The following OSBPL3 variants were observed in gnomAD, a reference collection of about 807,000 sequenced individuals.
OSBPL3 encodes oxysterol-binding protein-related protein 3.
OSBPL3 carries 65 observed loss-of-function variants against 120.1 expected under a neutral mutation model. The observed-to-expected ratio is 0.54, with a 90% confidence interval of 0.44 to 0.67. The LOEUF (loss-of-function observed/expected upper bound fraction) is 0.67, where lower values mean the gene tolerates loss of function less well. Ranked by LOEUF, OSBPL3 falls within the 30% of genes least tolerant of loss-of-function variation. The pLI, the probability that OSBPL3 is intolerant of heterozygous loss-of-function variation, is 0.00. For synonymous variants in OSBPL3, 416 were observed against 402.6 expected (o/e 1.03, Z -0.40); for missense variants, 1,004 against 1,082.1 (o/e 0.93, Z 1.01).
At position 24,913,094 on chromosome 7, in the gene OSBPL3, C is replaced by G. The variant is rs1006094076; in HGVS notation, c.-149-20473G>C. 1.3e-5 allele frequency among the ~76,000 whole-genome samples: 2 copies of G among 152,220 alleles called. No homozygotes were observed. The highest frequency in any genetic ancestry group is 4.8e-5 in the African/African-American group (2 of 41,468). On this transcript the variant is annotated intron_variant, in intron 1 of 22. Transcript: ENST00000313367. The surrounding 1 kb of genome is among the most constrained non-coding windows in gnomAD (Gnocchi z 5.3). ...CTGAGCAAGGATTCAAATGTCCCAG[C>G]CTCCAGCCTTCCTGCTGTCCCAGTT... is the stretch of plus-strand genomic sequence containing the variant.
At chr7:24,956,750 T>C (rs569274450) in intron 1 of OSBPL3, among the ~76,000 whole-genome samples, 2 of 152,368 alleles carry the variant, frequency 1.3e-5, no homozygotes, top group South Asian at 2.1e-4. Context: ...ATTTTATTTT[T>C]CAATGGAGAT....
rs1809120809 is a variant in OSBPL3, at chr7:24,913,417, A to T, written c.-149-20796T>A. Reference sequence around the variant, plus strand: ...CTCAGGCTAGCAGGCTCCTGCTACCAGAGCATCCCACTCCTGCTGGGTAGG... The same window carrying T: ...CTCAGGCTAGCAGGCTCCTGCTACCTGAGCATCCCACTCCTGCTGGGTAGG... On this transcript the variant is annotated intron_variant, in intron 1 of 22. Transcript: ENST00000313367. The surrounding 1 kb of genome is among the most constrained non-coding windows in gnomAD (Gnocchi z 5.3). Among the ~76,000 whole-genome samples the T allele has an allele frequency of 6.6e-6, 1 of 152,152 alleles. No individual in the cohort carries two copies.
Position 24,922,992 on chromosome 7 carries a change from A to G in OSBPL3, c.-149-30371T>C, listed in dbSNP as rs1810584064. On this transcript the variant is annotated intron_variant, in intron 1 of 22. Transcript: ENST00000313367. This position sits in a 1 kb window ranked among gnomAD's most constrained non-coding sequence, Gnocchi z 4.3. Reference sequence around the variant, plus strand: ...AAGAAAAAGAAAAAAACATATAAACATGACCATCAGAGATACTCTACACTA... The same window carrying G: ...AAGAAAAAGAAAAAAACATATAAACGTGACCATCAGAGATACTCTACACTA... Among the ~76,000 whole-genome samples, 3 of 152,188 alleles carry G rather than the reference A, an allele frequency of 2.0e-5. No homozygotes were observed. Among genetic ancestry groups the G allele is most frequent in the Admixed American group, 6.5e-5 (1 of 15,282 alleles).
intron 2 of OSBPL3, among the ~76,000 whole-genome samples, chr7:24,876,129 TCAA>T (rs1249028205): frequency 6.6e-6 from 1 of 152,206 alleles, no homozygotes; most frequent in African/African-American, 2.4e-5. Context: ...TGTGCTTAAG[TCAA>T]CAACCATTTA....
chr7:24,858,923 G>C (rs1187111312), intron 10 of OSBPL3, among the ~76,000 whole-genome samples: 1 of 152,142 alleles, frequency 6.6e-6, no homozygotes, highest in Non-Finnish European at 1.5e-5. Context: ...TTATTAAAAA[G>C]TAACAATGTT....
In OSBPL3 at chr7:24,952,583, T is replaced by C. The variant is rs555498369; in HGVS notation, c.-150+27303A>G. 8.5e-5 allele frequency among the ~76,000 whole-genome samples: 13 copies of C among 152,356 alleles called. No homozygotes were observed. Among genetic ancestry groups the C allele is most frequent in the Non-Finnish European group, 2.9e-5 (2 of 68,024 alleles). On this transcript the variant is annotated intron_variant, in intron 1 of 22. Coordinates refer to ENST00000313367, the MANE Select transcript of OSBPL3 (RefSeq NM_015550.4). The surrounding 1 kb of genome is among the most constrained non-coding windows in gnomAD (Gnocchi z 4.4). ...GCTCATATGAGCCACCTTTGGAGAC[T>C]AGGTACTCAAATTTATCATGTATCT...
chr7:24,859,539 CT>C (rs1393293262), intron 10 of OSBPL3, among the ~76,000 whole-genome samples: 1 of 152,122 alleles, frequency 6.6e-6, no homozygotes, highest in African/African-American at 2.4e-5. Flanking sequence ...CTTTCTACAA[CT>C]ATAAAAAATA....
At position 24,800,284 on chromosome 7, in the gene OSBPL3, G is replaced by A. The variant is rs767952431; in HGVS notation, c.2568-5C>T. On this transcript the variant is annotated splice_polypyrimidine_tract_variant and splice_region_variant and intron_variant, in intron 22 of 22. Coordinates refer to ENST00000313367, the MANE Select transcript of OSBPL3 (RefSeq NM_015550.4). ...CAAGAGTCATCGTCGGATTTCCTGT[G>A]AAAGAAGAAACAATTTCTTGCAGAC... 6.4e-7 allele frequency: 1 copy of A among 1,572,518 alleles called. No individual in the cohort carries two copies. Among genetic ancestry groups the A allele is most frequent in the East Asian group, 2.2e-5 (1 of 44,640 alleles).
chr7:24,938,972 GA>G lies in OSBPL3; in HGVS notation c.-150+40913del, dbSNP rs554276639. ...TAAGATGCAGAACACAAGAACAAATGAAACAGAGTGCAAGGGGTAGGAATCA... is the reference window on the plus strand; with the variant it reads ...TAAGATGCAGAACACAAGAACAAATGAACAGAGTGCAAGGGGTAGGAATCA... On this transcript the variant is annotated intron_variant, in intron 1 of 22. Transcript: ENST00000313367. The surrounding 1 kb of genome is among the most constrained non-coding windows in gnomAD (Gnocchi z 5.8). Among the ~76,000 whole-genome samples the G allele has an allele frequency of 2.5e-3, 375 of 152,172 alleles. 3 individuals carry two copies. Among genetic ancestry groups the G allele is most frequent in the African/African-American group, 8.8e-3 (365 of 41,526 alleles).
Position 24,937,616 on chromosome 7 carries a change from T to G in OSBPL3, c.-150+42270A>C, listed in dbSNP as rs771455995. On this transcript the variant is annotated intron_variant, in intron 1 of 22. Coordinates refer to ENST00000313367, the MANE Select transcript of OSBPL3 (RefSeq NM_015550.4). This position sits in a 1 kb window ranked among gnomAD's most constrained non-coding sequence, Gnocchi z 4.0. ...CAGTGAACAGAGCATACATGAGACG[T>G]CCCAATACATGTGCCACACTTTTAC... 7.9e-5 allele frequency among the ~76,000 whole-genome samples: 12 copies of G among 152,194 alleles called. No homozygotes were observed. The highest frequency in any genetic ancestry group is 1.5e-4 in the Non-Finnish European group (10 of 68,032).
rs781730011 is a variant in OSBPL3, at chr7:24,870,753, C to T, written c.360G>A (p.Glu120=). The T allele has an allele frequency of 5.0e-6, 8 of 1,608,908 alleles. No homozygotes were observed. In the Admixed American group the frequency reaches 5.0e-5, roughly 10 times the overall value. The change falls in exon 5 of 23, where the codon GAG becomes GAA. Residue 120 remains glutamate (E), a synonymous_variant. Transcript: ENST00000313367. The part of the protein sequence containing the change: ...KSSKCIDLDT[E]EHIYHLKVKS... ...TCACCTTCAGATGGTAGATGTGCTCCTCGGTGTCAAGGTCTATGCATTTTG... is the reference window on the plus strand; with the variant it reads ...TCACCTTCAGATGGTAGATGTGCTCTTCGGTGTCAAGGTCTATGCATTTTG...
At chr7:24,832,282 T>G (rs1584288193) in intron 15 of OSBPL3, among the ~76,000 whole-genome samples, 1 of 145,484 alleles carries the variant, frequency 6.9e-6, no homozygotes, top group African/African-American at 2.6e-5. Context: ...GAGGCCGAGG[T>G]GGGCAGATCA....
intron 10 of OSBPL3, among the ~76,000 whole-genome samples, chr7:24,853,444 CAA>C (rs1275694854): frequency 1.3e-5 from 2 of 152,264 alleles, no homozygotes; most frequent in East Asian, 3.9e-4. Flanking sequence ...CTATACTATT[CAA>C]AAGTGTCAAT....
At chr7:24,897,772 C>G (rs185316350) in intron 1 of OSBPL3, among the ~76,000 whole-genome samples, 1 of 152,308 alleles carries the variant, frequency 6.6e-6, no homozygotes, top group East Asian at 1.9e-4. Flanking sequence ...ATAAAAGCCA[C>G]AGAATTCATC....
chr7:24,970,065 T>G (rs1041001326), intron 1 of OSBPL3, among the ~76,000 whole-genome samples: 6 of 151,760 alleles, frequency 4.0e-5, no homozygotes, highest in African/African-American at 1.5e-4. Flanking sequence ...CTACCACTTC[T>G]GCCTAGAATG....
chr7:24,806,954 A>T lies in OSBPL3; in HGVS notation c.2318-52T>A. 1.3e-6 allele frequency: 2 copies of T among 1,495,438 alleles called. No individual in the cohort carries two copies. Among genetic ancestry groups the T allele is most frequent in the Non-Finnish European group, 1.8e-6 (2 of 1,107,658 alleles). 92.6% of individuals were successfully genotyped at this position (1,495,438 alleles called of 1,614,324 possible). On this transcript the variant is annotated intron_variant, in intron 20 of 22. Transcript: ENST00000313367. The surrounding 1 kb of genome is among the most constrained non-coding windows in gnomAD (Gnocchi z 5.2). ...CTAACTTGCATGTTACTTATGTTAC[A>T]TTTTAATTCCTTCACCTTTTTCGTC...
chr7:24,888,572 T>C (rs73091415), intron 2 of OSBPL3, among the ~76,000 whole-genome samples: 13,724 of 152,246 alleles, frequency 0.09, 709 homozygotes, highest in African/African-American at 0.13. Context: ...TAAAAGATGA[T>C]AGAACCCTCC....
chr7:24,836,228 C>T (rs1254938094), intron 14 of OSBPL3, among the ~76,000 whole-genome samples: 1 of 152,212 alleles, frequency 6.6e-6, no homozygotes, highest in East Asian at 1.9e-4. Flanking sequence ...CTGCCCCCAA[C>T]TTCCCCATTT....
rs754342082 is a variant in OSBPL3 at position 24,872,315 on chromosome 7, G to T, written c.97-246C>A. Among the ~76,000 whole-genome samples, 1 of 151,448 alleles carries T rather than the reference G, an allele frequency of 6.6e-6. No homozygotes were observed. Among genetic ancestry groups the T allele is most frequent in the African/African-American group, 2.4e-5 (1 of 41,178 alleles). On this transcript the variant is annotated intron_variant, in intron 2 of 22. Coordinates refer to ENST00000313367, the MANE Select transcript of OSBPL3 (RefSeq NM_015550.4). This position sits in a 1 kb window ranked among gnomAD's most constrained non-coding sequence, Gnocchi z 4.1. ...TTTTTTAGAAGGGAATGTTTCTTTC[G>T]GTGTTTGAACCTTAATAGGCACAGC...
Sources: gnomAD v4.1 joint callset for allele counts (sites outside exome capture counted in the v4.1 genomes callset) on GRCh38, gnomAD v4.1.1 for gene constraint, Gnocchi (gnomAD v3.1) non-coding constraint, MANE v1.5 for transcripts, NCBI Gene and HGNC (gene_info 2026-07-23, HGNC 2026-07-21) for gene names.